CREM: variants seen among roughly 807,000 people sequenced by gnomAD.
CREM encodes cAMP responsive element modulator.
A neutral mutation model predicts 37.3 loss-of-function variants in CREM; 13 were observed. That is an observed-to-expected ratio of 0.35 (90% CI 0.23 to 0.55). CREM has a LOEUF of 0.55. Ranked by LOEUF, CREM falls within the 20% of genes least tolerant of loss-of-function variation. The pLI, the probability that CREM is intolerant of heterozygous loss-of-function variation, is 0.88. For synonymous variants in CREM, 124 were observed against 120.2 expected, an observed-to-expected ratio of 1.03 and a Z score of -0.21; for missense variants, 296 against 362.3, an observed-to-expected ratio of 0.82 and a Z score of 1.49.
chr10:35,176,474 C>T (rs2094090958), intron 3 of CREM, among the ~76,000 whole-genome samples: 1 of 143,870 alleles, frequency 7.0e-6, no homozygotes, highest in Admixed American at 7.4e-5. Context: ...GTGGCATGAT[C>T]TCGGGCCATT....
At chr10:35,168,592 C>G (rs2093662357) in intron 3 of CREM, among the ~76,000 whole-genome samples, 1 of 152,154 alleles carries the variant, frequency 6.6e-6, no homozygotes, top group Non-Finnish European at 1.5e-5. Context: ...TGCAGAAGCT[C>G]TTTAGTTTAA....
chr10:35,208,018 G>A (rs1148247), intron 7 of CREM, among the ~76,000 whole-genome samples: 50,250 of 152,086 alleles, frequency 0.33, 10,078 homozygotes, highest in Middle Eastern at 0.46. Flanking sequence ...TTTGTATTTA[G>A]TATTTGCTGT....
At chr10:35,198,160 C>T (rs1033265478) in intron 6 of CREM, among the ~76,000 whole-genome samples, 1 of 152,138 alleles carries the variant, frequency 6.6e-6, no homozygotes, top group African/African-American at 2.4e-5. Flanking sequence ...AATCAGGCTC[C>T]TAGCACTAAT....
At chr10:35,168,039 CAG>C (rs1271123183) in intron 3 of CREM, among the ~76,000 whole-genome samples, 2 of 152,204 alleles carry the variant, frequency 1.3e-5, no homozygotes, top group African/African-American at 4.8e-5. Context: ...TTTCTTAATC[CAG>C]TCTGTCATTG....
At chr10:35,177,711 G>A (rs944341425) in intron 3 of CREM, among the ~76,000 whole-genome samples, 1 of 152,192 alleles carries the variant, frequency 6.6e-6, no homozygotes, top group Non-Finnish European at 1.5e-5. Flanking sequence ...GAATACTTAC[G>A]TGTTGGATCA....
intron 1 of CREM, among the ~76,000 whole-genome samples, chr10:35,131,447 CAA>C (rs1321363018): frequency 1.3e-5 from 2 of 151,702 alleles, no homozygotes; most frequent in African/African-American, 4.8e-5. Context: ...ATTGATAGCA[CAA>C]AAAATGATTT....
chr10:35,151,394 A>G (rs943520853), intron 3 of CREM, among the ~76,000 whole-genome samples: 2 of 151,972 alleles, frequency 1.3e-5, no homozygotes, highest in Middle Eastern at 3.2e-3. Flanking sequence ...GAGTCTCACT[A>G]TGTCACCCAA....
intron 7 of CREM, chr10:35,209,341 C>G: frequency 1.0e-6 from 1 of 985,414 alleles, no homozygotes; most frequent in Non-Finnish European, 1.2e-6. Flanking sequence ...TTGCCTTGCA[C>G]TTCCTCTCCG....
chr10:35,127,562 C>G (rs780608497), intron 1 of CREM: 1 of 152,454 alleles, frequency 6.6e-6, no homozygotes, highest in Non-Finnish European at 1.5e-5. Flanking sequence ...GAAAAGGAAT[C>G]CAGAAGTAAG....
intron 6 of CREM, among the ~76,000 whole-genome samples, chr10:35,199,538 A>G (rs1344256904): frequency 1.3e-5 from 2 of 152,200 alleles, no homozygotes; most frequent in African/African-American, 4.8e-5. Context: ...TCAGATTGTG[A>G]CTGACACAGA....
At chr10:35,183,156 G>T (rs2094423646) in intron 5 of CREM, among the ~76,000 whole-genome samples, 1 of 151,934 alleles carries the variant, frequency 6.6e-6, no homozygotes, top group Non-Finnish European at 1.5e-5. Flanking sequence ...GTCTCTGCTT[G>T]TGCCTATTGT....
chr10:35,152,658 C>T (rs1268692520), intron 3 of CREM, among the ~76,000 whole-genome samples: 2 of 152,126 alleles, frequency 1.3e-5, no homozygotes, highest in Non-Finnish European at 2.9e-5. Flanking sequence ...TGTTGATATA[C>T]AGGACTAGAC....
intron 2 of CREM, among the ~76,000 whole-genome samples, chr10:35,145,710 C>G (rs1341815779): frequency 1.5e-5 from 2 of 132,046 alleles, no homozygotes; most frequent in African/African-American, 5.8e-5. Context: ...ACCTGGGAGG[C>G]AGAGGTTGCA....
chr10:35,194,566 TC>T (rs1403629010), intron 6 of CREM, among the ~76,000 whole-genome samples: 1 of 152,198 alleles, frequency 6.6e-6, no homozygotes, highest in East Asian at 1.9e-4. Context: ...AATTATCTAC[TC>T]CCTTTAAGTG....
At chr10:35,173,977 T>TTG in intron 3 of CREM, among the ~76,000 whole-genome samples, 1 of 152,342 alleles carries the variant, frequency 6.6e-6, no homozygotes, top group South Asian at 2.1e-4. Flanking sequence ...GAGTTGCCTT[T>TTG]TGTGCCGGAA....
At chr10:35,199,421 T>G (rs1274849611) in intron 6 of CREM, among the ~76,000 whole-genome samples, 2 of 152,226 alleles carry the variant, frequency 1.3e-5, no homozygotes, top group Non-Finnish European at 2.9e-5. Flanking sequence ...TCATTTATAT[T>G]CTAATAAAAT....
At chr10:35,137,988 A>G (rs1263728410) in intron 2 of CREM, 109 bp downstream of exon 2, 7 of 673,320 alleles carry the variant, frequency 1.0e-5, no homozygotes, top group Non-Finnish European at 1.3e-5. Context: ...ATGTATATAT[A>G]TTCTATTATA....
rs1398520030 is a variant in CREM at position 35,126,880 on chromosome 10, GC to G, written c.-366del. 3 of 152,338 alleles carry G rather than the reference GC, an allele frequency of 2.0e-5. No individual in the cohort carries two copies. The highest frequency in any genetic ancestry group is 7.2e-5 in the African/African-American group (3 of 41,464). 9.4% of individuals were successfully genotyped at this position (152,338 alleles called of 1,614,324 possible). On this transcript the variant is annotated 5_prime_UTR_variant, in exon 1 of 8. Coordinates refer to ENST00000685392, the MANE Select transcript of CREM (RefSeq NM_183011.2). ...TTGTGGCGCTTCACTCCTGCTGGCG[GC>G]CGGCAGGGGGCGGAGTTCGAGCCTG... is the stretch of plus-strand genomic sequence containing the variant.
At chr10:35,157,928 A>G (rs1350389258) in intron 3 of CREM, among the ~76,000 whole-genome samples, 1 of 152,176 alleles carries the variant, frequency 6.6e-6, no homozygotes, top group Non-Finnish European at 1.5e-5. Context: ...AAAAACCAGT[A>G]TTGTTTTTAT....
Sources: allele counts gnomAD v4.1 joint callset (sites outside exome capture counted in the v4.1 genomes callset), GRCh38; gene constraint gnomAD v4.1.1; transcripts MANE v1.5; gene names NCBI Gene and HGNC (gene_info 2026-07-23, HGNC 2026-07-21).